Variants in TANK observed in about 807,000 individuals in gnomAD.
TANK encodes the protein TRAF family member-associated NF-kappa-B activator.
A neutral mutation model predicts 43.6 loss-of-function variants in TANK; 15 were observed. The observed-to-expected ratio is 0.34, with a 90% confidence interval of 0.23 to 0.53. The LOEUF (loss-of-function observed/expected upper bound fraction) is 0.53. TANK is among the 20% of genes least tolerant of loss of function. The pLI is 0.94. For synonymous variants in TANK, 162 were observed against 178.2 expected (o/e 0.91, Z 0.73); for missense variants, 417 against 498.6 (o/e 0.84, Z 1.56).
intron 1 of TANK, among the ~76,000 whole-genome samples, chr2:161,152,481 A>G (rs922624582): frequency 1.3e-5 from 2 of 152,238 alleles, no homozygotes; most frequent in African/African-American, 4.8e-5. Flanking sequence ...TCTGGCCTTC[A>G]TAGTTTCAAA....
chr2:161,144,158 T>G (rs1458891951), intron 1 of TANK, among the ~76,000 whole-genome samples: 1 of 152,188 alleles, frequency 6.6e-6, no homozygotes, highest in African/African-American at 2.4e-5. Flanking sequence ...AGAGGTGATA[T>G]TCCCTTTATC....
chr2:161,161,363 G>C, intron 1 of TANK: 1 of 1,550,796 alleles, frequency 6.4e-7, no homozygotes, highest in Non-Finnish European at 8.7e-7. Flanking sequence ...TGAAGGAAAA[G>C]AAAATGACCT....
intron 4 of TANK, among the ~76,000 whole-genome samples, chr2:161,218,472 A>T (rs891239050): frequency 1.2e-4 from 18 of 152,194 alleles, no homozygotes; most frequent in African/African-American, 4.3e-4. Flanking sequence ...GCCAAACTAT[A>T]CACAAATTAT....
chr2:161,148,003 T>C (rs1170383558), intron 1 of TANK, among the ~76,000 whole-genome samples: 1 of 152,246 alleles, frequency 6.6e-6, no homozygotes, highest in Admixed American at 6.5e-5. Context: ...ATGTATTTGT[T>C]TCAGTACCTG....
Position 161,235,592 on chromosome 2 carries a change from T to TA in TANK, c.*77dup. 2 of 1,181,148 alleles carry TA rather than the reference T, an allele frequency of 1.7e-6. No homozygotes were observed. The highest frequency in any genetic ancestry group is 2.3e-6 in the Non-Finnish European group (2 of 878,400). The allele number at this position is 1,181,148 out of a possible 1,614,324, so 73.2% of individuals were successfully genotyped here. A position where few individuals can be genotyped will look rare whatever the true frequency, so the allele number is the denominator to read the frequency against. ...TTTTAATACTATAAATACTTGATTG[T>TA]AAACTAAATTCAAGATCATTTATAG... is the stretch of plus-strand genomic sequence containing the variant. On this transcript the variant is annotated 3_prime_UTR_variant, in exon 8 of 8. Coordinates refer to ENST00000392749, the MANE Select transcript of TANK (RefSeq NM_001199135.3).
At chr2:161,165,170 G>T (rs1321010468) in intron 1 of TANK, among the ~76,000 whole-genome samples, 1 of 150,856 alleles carries the variant, frequency 6.6e-6, no homozygotes, top group Non-Finnish European at 1.5e-5. Flanking sequence ...AAATTAATAT[G>T]AGTTCCATTT....
At chr2:161,160,589 C>T in intron 1 of TANK, 103 bp downstream of exon 1, 1 of 984,104 alleles carries the variant, frequency 1.0e-6, no homozygotes, top group Non-Finnish European at 1.4e-6. Flanking sequence ...GTAGGGGCGC[C>T]GCAGGGAGAG....
intron 1 of TANK, among the ~76,000 whole-genome samples, chr2:161,154,374 G>A (rs2105233881): frequency 6.6e-6 from 1 of 152,334 alleles, no homozygotes; most frequent in African/African-American, 2.4e-5. Flanking sequence ...GGAGAGTTAG[G>A]AAGATGCCTT....
intron 6 of TANK, among the ~76,000 whole-genome samples, chr2:161,225,812 T>A (rs955174403): frequency 1.3e-5 from 2 of 152,204 alleles, no homozygotes; most frequent in East Asian, 3.9e-4. Flanking sequence ...CATTTTATAG[T>A]GTAAATTCAC....
rs142452887 is a variant in TANK, at chr2:161,161,647, AAT to A, written c.-50+1172_-50+1173del. On this transcript the variant is annotated intron_variant, in intron 1 of 7. Coordinates refer to ENST00000392749, the MANE Select transcript of TANK (RefSeq NM_001199135.3). ...CTGTTCGATAATCTGTTTCAGATTA[AAT>A]ATATATATATGGTGAAAGTCTTGCC... 225 of 593,612 alleles carry A rather than the reference AAT, an allele frequency of 3.8e-4. 1 individual carries two copies. Among genetic ancestry groups the A allele is most frequent in the Middle Eastern group, 2.0e-3 (4 of 1,996 alleles). 36.8% of individuals were successfully genotyped at this position (593,612 alleles called of 1,614,324 possible). A position where few individuals can be genotyped will look rare whatever the true frequency, so the allele number is the denominator to read the frequency against.
chr2:161,152,082 GTGT>G (rs1192428058), intron 1 of TANK, among the ~76,000 whole-genome samples: 1 of 152,040 alleles, frequency 6.6e-6, no homozygotes, highest in African/African-American at 2.4e-5. Context: ...CACCCCTTAC[GTGT>G]TGTTGTCACA....
chr2:161,160,389 C>T (rs955427815), upstream of TANK: 17 of 1,236,856 alleles, frequency 1.4e-5, no homozygotes, highest in African/African-American at 1.4e-4. Flanking sequence ...CAGGCACTGC[C>T]CTCTGAACTG....
intron 1 of TANK, chr2:161,138,105 TAC>T: frequency 3.7e-6 from 1 of 270,776 alleles, no homozygotes; most frequent in Non-Finnish European, 5.6e-6. Flanking sequence ...CATTTAAACT[TAC>T]ACAGTTATAG....
At chr2:161,192,181 A>G (rs1033677862) in intron 2 of TANK, among the ~76,000 whole-genome samples, 5 of 152,168 alleles carry the variant, frequency 3.3e-5, no homozygotes, top group African/African-American at 1.2e-4. Context: ...CCTAGTCCAG[A>G]CCTGCCCTCT....
intron 1 of TANK, among the ~76,000 whole-genome samples, chr2:161,178,273 T>A (rs1299710250): frequency 6.6e-6 from 1 of 152,094 alleles, no homozygotes; most frequent in East Asian, 1.9e-4. Context: ...GTCCATTAAC[T>A]GAGGAATAAA....
chr2:161,180,991 G>A (rs949041577), intron 2 of TANK, among the ~76,000 whole-genome samples: 5 of 148,930 alleles, frequency 3.4e-5, no homozygotes, highest in African/African-American at 9.9e-5. Flanking sequence ...GGTGTTCATT[G>A]TAAATCTCAT....
chr2:161,218,845 G>A (rs1013431498), intron 4 of TANK, among the ~76,000 whole-genome samples: 2 of 152,212 alleles, frequency 1.3e-5, no homozygotes, highest in East Asian at 3.9e-4. Flanking sequence ...TTCTTGCTGT[G>A]TTGCCCAGGC....
intron 2 of TANK, chr2:161,202,880 CA>C: frequency 2.1e-6 from 1 of 467,540 alleles, no homozygotes; most frequent in Non-Finnish European, 4.4e-6. Context: ...AATAACATAG[CA>C]AAATTAATGG....
chr2:161,169,892 T>C (rs978256608), intron 1 of TANK, among the ~76,000 whole-genome samples: 1 of 152,178 alleles, frequency 6.6e-6, no homozygotes, highest in Non-Finnish European at 1.5e-5. Flanking sequence ...CAATATATGC[T>C]TCTGCAGAGG....
Sources: allele counts gnomAD v4.1 joint callset (sites outside exome capture counted in the v4.1 genomes callset), GRCh38; gene constraint gnomAD v4.1.1; transcripts MANE v1.5; gene names NCBI Gene and HGNC (gene_info 2026-07-23, HGNC 2026-07-21).